ITPR2: variants seen among roughly 807,000 people sequenced by gnomAD.
The protein encoded by ITPR2 is inositol 1,4,5-trisphosphate-gated calcium channel ITPR2.
ITPR2 carries 207 observed loss-of-function variants against 317.1 expected under a neutral mutation model. The ratio of observed to expected loss-of-function variants is 0.65; its 90% CI spans 0.58 to 0.73. ITPR2 has a LOEUF of 0.73. Among genes scored for constraint, ITPR2 ranks in the 30% least tolerant of loss-of-function variants. ITPR2 has a pLI of 0.00. For synonymous variants in ITPR2, 1,156 were observed against 1,149.1 expected, an observed-to-expected ratio of 1.01 and a Z score of -0.12; for missense variants, 2,613 against 3,284.0, an observed-to-expected ratio of 0.80 and a Z score of 4.99.
At chr12:26,420,552 A>T (rs1940857899) in intron 49 of ITPR2, among the ~76,000 whole-genome samples, 1 of 152,154 alleles carries the variant, frequency 6.6e-6, no homozygotes, top group Admixed American at 6.5e-5. Flanking sequence ...CAACCAAATT[A>T]ACAACATAGC....
chr12:26,621,331 C>A, intron 25 of ITPR2, 35 bp from the exon 26 acceptor site: 1 of 1,497,200 alleles, frequency 6.7e-7, no homozygotes, highest in South Asian at 1.2e-5. Context: ...AGTTGAAGTT[C>A]ACTATTTCTA....
intron 9 of ITPR2, among the ~76,000 whole-genome samples, chr12:26,706,955 C>T (rs1478136894): frequency 2.6e-5 from 4 of 152,148 alleles, no homozygotes; most frequent in African/African-American, 9.7e-5. Flanking sequence ...CACAGGACCG[C>T]CCTTTTATTT....
At chr12:26,737,722 C>A (rs1014982425) in intron 2 of ITPR2, among the ~76,000 whole-genome samples, 6 of 152,180 alleles carry the variant, frequency 3.9e-5, no homozygotes, top group African/African-American at 7.2e-5. Context: ...AATTTCAGCA[C>A]CCGGACCCCA....
chr12:26,541,893 A>G (rs574548144), intron 37 of ITPR2, among the ~76,000 whole-genome samples: 1 of 152,342 alleles, frequency 6.6e-6, no homozygotes, highest in Admixed American at 6.5e-5. Flanking sequence ...GTTAAAAAAA[A>G]AAAAGAGGAC....
intron 36 of ITPR2, among the ~76,000 whole-genome samples, chr12:26,554,197 C>G (rs1944602664): frequency 6.6e-6 from 1 of 152,208 alleles, no homozygotes; most frequent in South Asian, 2.1e-4. Context: ...TGCTGTCTAA[C>G]AGAACTCTCT....
At chr12:26,381,012 G>A (rs1431612962) in intron 55 of ITPR2, among the ~76,000 whole-genome samples, 1 of 152,146 alleles carries the variant, frequency 6.6e-6, no homozygotes, top group Non-Finnish European at 1.5e-5. Context: ...TCTTAAGGGT[G>A]AGTTATGCTG....
chr12:26,472,909 CAG>C (rs1433357020), intron 45 of ITPR2, among the ~76,000 whole-genome samples: 4 of 151,924 alleles, frequency 2.6e-5, no homozygotes, highest in South Asian at 4.2e-4. Flanking sequence ...CGTTTTGAGA[CAG>C]AGTCTTGCTC....
intron 28 of ITPR2, 127 bp downstream of exon 28, chr12:26,602,243 G>A: frequency 1.1e-6 from 1 of 925,190 alleles, no homozygotes; most frequent in Non-Finnish European, 1.6e-6. Context: ...GCTCAGGGGT[G>A]ATGGGGCACC....
chr12:26,441,317 T>G (rs1421056411), intron 46 of ITPR2, among the ~76,000 whole-genome samples: 1 of 152,150 alleles, frequency 6.6e-6, no homozygotes, highest in Non-Finnish European at 1.5e-5. Flanking sequence ...CCCAGGGTCT[T>G]TAAGTCTATA....
chr12:26,539,544 GC>G (rs1413380806), intron 37 of ITPR2, among the ~76,000 whole-genome samples: 1 of 152,150 alleles, frequency 6.6e-6, no homozygotes, highest in African/African-American at 2.4e-5. Flanking sequence ...TGGGACAGAA[GC>G]CCCATGGCTG....
chr12:26,492,809 G>T (rs1942838000), intron 39 of ITPR2, among the ~76,000 whole-genome samples: 1 of 151,924 alleles, frequency 6.6e-6, no homozygotes, highest in African/African-American at 2.4e-5. Flanking sequence ...ATAGCTGAAA[G>T]AATTTTAAAT....
At chr12:26,586,050 A>C (rs935091019) in intron 32 of ITPR2, among the ~76,000 whole-genome samples, 4 of 152,180 alleles carry the variant, frequency 2.6e-5, no homozygotes, top group African/African-American at 9.7e-5. Context: ...TAAATTGTTA[A>C]GAGTTTTTCT....
chr12:26,546,776 A>G (rs1052579813), intron 37 of ITPR2, among the ~76,000 whole-genome samples: 2 of 152,202 alleles, frequency 1.3e-5, no homozygotes, highest in African/African-American at 4.8e-5. Context: ...CTGATCTTCA[A>G]CAAAGCAGAT....
In ITPR2 at chr12:26,815,334, A is replaced by G. The variant is rs572141075; in HGVS notation, c.92+17356T>C. The stretch of plus-strand genomic sequence containing the variant: ...GTGACACGGTAAGACTCAGTCTCAA[A>G]AAAAAAGGAAATCTCAGAGAAGGGA... On this transcript the variant is annotated intron_variant, in intron 1 of 56. Transcript: ENST00000381340. Among the ~76,000 whole-genome samples the G allele has an allele frequency of 4.7e-4, 72 of 152,306 alleles. 1 individual carries two copies. The highest frequency in any genetic ancestry group is 1.7e-3 in the African/African-American group (70 of 41,554).
At chr12:26,808,010 T>C (rs964996500) in intron 1 of ITPR2, among the ~76,000 whole-genome samples, 1 of 152,218 alleles carries the variant, frequency 6.6e-6, no homozygotes, top group Non-Finnish European at 1.5e-5. Context: ...GAACAAGTAC[T>C]TAACCCAAGC....
chr12:26,785,454 G>C (rs1190655999), intron 2 of ITPR2, among the ~76,000 whole-genome samples: 1 of 61,154 alleles, frequency 1.6e-5, no homozygotes. Context: ...CTGCCCGGCC[G>C]GCCGCCCCGT....
chr12:26,533,418 A>G (rs1943998369), intron 37 of ITPR2, among the ~76,000 whole-genome samples: 1 of 152,230 alleles, frequency 6.6e-6, no homozygotes, highest in South Asian at 2.1e-4. Context: ...TGCTCGGTGC[A>G]TTTTGGCTGC....
chr12:26,816,623 G>A (rs748308173), intron 1 of ITPR2, among the ~76,000 whole-genome samples: 1 of 152,306 alleles, frequency 6.6e-6, no homozygotes, highest in Middle Eastern at 3.4e-3. Context: ...TTAAAGTATA[G>A]TGGGTGAAAC....
At chr12:26,802,604 TATAG>T (rs1384239585) in intron 1 of ITPR2, among the ~76,000 whole-genome samples, 1 of 10,444 alleles carries the variant, frequency 9.6e-5, no homozygotes, top group Non-Finnish European at 2.3e-4. Flanking sequence ...TAGATATAGA[TATAG>T]ATATATATAG....
Sources: allele counts gnomAD v4.1 joint callset (sites outside exome capture counted in the v4.1 genomes callset), GRCh38; gene constraint gnomAD v4.1.1; transcripts MANE v1.5; gene names NCBI Gene and HGNC (gene_info 2026-07-23, HGNC 2026-07-21).